The following TCF20 variants were observed in gnomAD, a reference collection of about 807,000 sequenced individuals.
The protein encoded by TCF20 is transcription factor 20.
Under a neutral mutation model 148.6 loss-of-function variants are expected in TCF20, and 3 were observed. The observed-to-expected ratio is 0.02, with a 90% CI of 0.01 to 0.05. TCF20 has a LOEUF of 0.05. Ranked by LOEUF, TCF20 falls within the 10% of genes least tolerant of loss-of-function variation. The probability of loss-of-function intolerance (pLI) is 1.00; values close to 1 mark genes in which losing one functional copy is unlikely to be tolerated. For missense variants in TCF20, 2,350 were observed against 2,429.3 expected (o/e 0.97, Z 0.69); for synonymous variants, 1,049 against 909.5 (o/e 1.15, Z -2.76).
chr22:42,205,609 T>A (rs760705404), intron 2 of TCF20, among the ~76,000 whole-genome samples: 1 of 152,208 alleles, frequency 6.6e-6, no homozygotes, highest in East Asian at 1.9e-4. Context: ...TCCTGGACAA[T>A]TGAAACATCA....
At chr22:42,255,058 C>T (rs1006150419) in intron 1 of TCF20, among the ~76,000 whole-genome samples, 14 of 151,350 alleles carry the variant, frequency 9.3e-5, no homozygotes, top group African/African-American at 3.4e-4. Context: ...AGTTGGGTGA[C>T]CTTGGGCAAG....
chr22:42,294,550 G>C (rs1569203015), intron 1 of TCF20, among the ~76,000 whole-genome samples: 1 of 152,044 alleles, frequency 6.6e-6, no homozygotes, highest in Non-Finnish European at 1.5e-5. Flanking sequence ...TCCGGGAGAG[G>C]GCAGGGCCAG....
At chr22:42,166,609 C>CAAAA (rs545755110) in intron 5 of TCF20, among the ~76,000 whole-genome samples, 8 of 70,484 alleles carry the variant, frequency 1.1e-4, no homozygotes, top group African/African-American at 3.4e-4. Flanking sequence ...AATCCGTCTC[C>CAAAA]AAAAAAAAAA....
At chr22:42,165,551 G>A (rs999095704) in intron 5 of TCF20, among the ~76,000 whole-genome samples, 12 of 152,234 alleles carry the variant, frequency 7.9e-5, no homozygotes, top group Non-Finnish European at 1.5e-5. Context: ...CCTGCAGAAG[G>A]ACTTTTCCCC....
At chr22:42,235,427 G>A (rs1317478732) in intron 1 of TCF20, among the ~76,000 whole-genome samples, 2 of 152,164 alleles carry the variant, frequency 1.3e-5, no homozygotes, top group Non-Finnish European at 2.9e-5. Flanking sequence ...TCTCTCTCCT[G>A]AAGTGACAGA....
At chr22:42,198,229 T>C (rs769929601) in intron 2 of TCF20, among the ~76,000 whole-genome samples, 1 of 152,214 alleles carries the variant, frequency 6.6e-6, no homozygotes, top group Non-Finnish European at 1.5e-5. Context: ...ATCTACACTG[T>C]GATGATGGAG....
At chr22:42,163,696 G>A (rs368452931) in intron 5 of TCF20, among the ~76,000 whole-genome samples, 12 of 152,206 alleles carry the variant, frequency 7.9e-5, no homozygotes, top group Non-Finnish European at 1.5e-4. Flanking sequence ...GTGTGGCTGA[G>A]AGACGGCTGG....
chr22:42,188,596 G>A (rs1242041393), intron 2 of TCF20, among the ~76,000 whole-genome samples: 1 of 152,156 alleles, frequency 6.6e-6, no homozygotes, highest in Admixed American at 6.6e-5. Flanking sequence ...AAATTAATAA[G>A]AACTTGATCA....
chr22:42,211,238 A>T lies in TCF20; in HGVS notation c.4068T>A (p.Val1356=), dbSNP rs767774751. The change falls in exon 2 of 6, where the codon GTT becomes GTA. Residue 1356 remains valine, a synonymous_variant. Coordinates refer to ENST00000677622, the MANE Select transcript of TCF20 (RefSeq NM_001378418.1). ...KGRGLKLEAI[V]QKITSPNIRR... ...TAATATTTGGGGATGTAATCTTCTGAACTATAGCTTCCAATTTCAATCCCC... is the reference window on the plus strand; with the variant it reads ...TAATATTTGGGGATGTAATCTTCTGTACTATAGCTTCCAATTTCAATCCCC... 1.9e-6 allele frequency: 3 copies of T among 1,614,172 alleles called. No homozygotes were observed. In the South Asian group the frequency reaches 3.3e-5, roughly 18 times the overall value.
chr22:42,187,142 A>C (rs1159637892), intron 2 of TCF20, among the ~76,000 whole-genome samples: 5 of 151,940 alleles, frequency 3.3e-5, no homozygotes, highest in African/African-American at 4.8e-5. Flanking sequence ...CTGATTCTGG[A>C]CCCTCTGCTG....
chr22:42,214,209 G>A lies in TCF20; in HGVS notation c.1097C>T (p.Pro366Leu), dbSNP rs759326346. The change falls in exon 2 of 6, where the codon CCC (proline) becomes CTC (leucine). Residue 366 changes from proline (P) to leucine (L), a missense_variant. By Grantham distance (98) the Pro-to-Leu change is moderately conservative. Coordinates refer to ENST00000677622, the MANE Select transcript of TCF20 (RefSeq NM_001378418.1). ...SPMQFHQNFS[P>L]ISNPSPAASV... is the part of the protein sequence containing the mutation. ...GGCAGCTGGAGAAGGGTTAGAAATG[G>A]GGCTGAAGTTCTGGTGAAACTGCAT... 5 of 1,614,230 alleles carry A rather than the reference G, an allele frequency of 3.1e-6. No individual in the cohort carries two copies. The highest frequency in any genetic ancestry group is 3.4e-6 in the Non-Finnish European group (4 of 1,180,028).
intron 3 of TCF20, among the ~76,000 whole-genome samples, chr22:42,174,055 G>A (rs567027656): frequency 1.1e-4 from 17 of 152,228 alleles, no homozygotes; most frequent in Non-Finnish European, 2.2e-4. Flanking sequence ...CTGGTGGGCT[G>A]GGGTGACAAC....
rs549576875 is a variant in TCF20 at position 42,270,607 on chromosome 22, G to A, written c.-305C>T. ...CGCCTCGCAGGGGCCGAAAGCGGCTGGGCTCGGGGTTTTTTCTCTCCATTC... is the reference window on the plus strand; with the variant it reads ...CGCCTCGCAGGGGCCGAAAGCGGCTAGGCTCGGGGTTTTTTCTCTCCATTC... On this transcript the variant is annotated 5_prime_UTR_variant, in exon 1 of 6. Transcript: ENST00000677622. Among the ~76,000 whole-genome samples, 138 of 145,822 alleles carry A rather than the reference G, an allele frequency of 9.5e-4. 1 individual carries two copies. The highest frequency in any genetic ancestry group is 2.8e-3 in the African/African-American group (116 of 40,786).
At chr22:42,268,148 T>C (rs1417949056) in intron 1 of TCF20, among the ~76,000 whole-genome samples, 7 of 143,064 alleles carry the variant, frequency 4.9e-5, no homozygotes, top group Admixed American at 4.8e-4. Context: ...TGTGTCAAAA[T>C]AAATAAGTAA....
At chr22:42,169,517 G>A (rs1935991503) in intron 4 of TCF20, among the ~76,000 whole-genome samples, 1 of 152,240 alleles carries the variant, frequency 6.6e-6, no homozygotes, top group Non-Finnish European at 1.5e-5. Flanking sequence ...GCCAACCTGT[G>A]AATTGGGGTT....
At position 42,210,172 on chromosome 22, in the gene TCF20, C is replaced by A; in HGVS notation, c.5134G>T (p.Ala1712Ser). Residue 1712 changes from alanine (A) to serine (S), a missense_variant, in exon 2 of 6, where the codon GCC (alanine) becomes TCC (serine). Transcript: ENST00000677622. This position sits in a 1 kb window ranked among gnomAD's most constrained non-coding sequence, Gnocchi z 4.7. ...HLVCCLCGKW[A>S]SYRNMGDLFG... ...AGGTCACCCATGTTCCGGTAACTGG[C>A]CCACTTGCCACACAGACAGCAAACC... 1.2e-6 allele frequency: 2 copies of A among 1,614,156 alleles called. No individual in the cohort carries two copies. Among genetic ancestry groups the A allele is most frequent in the Non-Finnish European group, 8.5e-7 (1 of 1,180,038 alleles).
In TCF20 at chr22:42,213,893, C is replaced by G; in HGVS notation, c.1413G>C (p.Gln471His). 6.2e-7 allele frequency: 1 copy of G among 1,614,156 alleles called. No homozygotes were observed. The highest frequency in any genetic ancestry group is 2.2e-5 in the East Asian group (1 of 44,886). The change falls in exon 2 of 6, where the codon CAG (glutamine) becomes CAC (histidine). Residue 471 changes from glutamine (Q) to histidine (H), a missense_variant. By Grantham distance (24) the Gln-to-His change is conservative (BLOSUM62 0). Around this residue, in one of 7 missense-constraint regions of TCF20, gnomAD observed 1,641 missense variants for 1,662.6 expected, o/e 0.99. Coordinates refer to ENST00000677622, the MANE Select transcript of TCF20 (RefSeq NM_001378418.1). ...TQVANLPNTV[Q>H]HMLLSDALTP... ...TCAGGGCATCAGAAAGTAACATGTG[C>G]TGGACAGTGTTAGGAAGATTGGCCA...
Position 42,215,238 on chromosome 22 carries a change from C to G in TCF20, c.68G>C (p.Gly23Ala), listed in dbSNP as rs1426264230. Residue 23 changes from glycine to alanine, a missense_variant, in exon 2 of 6, where the codon GGC becomes GCC. Gly to Ala is a moderately conservative substitution (Grantham distance 60). Transcript: ENST00000677622. The stretch of plus-strand genomic sequence containing the variant: ...GCTGAACTCTTCTAGCCGGGATGAG[C>G]CGTGTACCTCCTGTGGGTAGCTTTG... Reference protein sequence around the residue: ...NQQSYPQEVHGSSRLEEFSPR... With the variant: ...NQQSYPQEVHASSRLEEFSPR... 2 of 1,614,170 alleles carry G rather than the reference C, an allele frequency of 1.2e-6. No homozygotes were observed. The highest frequency in any genetic ancestry group is 1.7e-6 in the Non-Finnish European group (2 of 1,180,024).
In TCF20 at chr22:42,170,851, G is replaced by A. The variant is rs192568257; in HGVS notation, c.5750-955C>T. ...TGTAAAAACACTTTAAAATCTAGAC[G>A]CGTATTTTCTTCTCTGTACAGAGAA... On this transcript the variant is annotated intron_variant, in intron 3 of 5. Coordinates refer to ENST00000677622, the MANE Select transcript of TCF20 (RefSeq NM_001378418.1). Among the ~76,000 whole-genome samples, 69 of 152,034 alleles carry A rather than the reference G, an allele frequency of 4.5e-4. 1 individual carries two copies. Among genetic ancestry groups the A allele is most frequent in the East Asian group, 5.8e-4 (3 of 5,184 alleles).
Sources: gnomAD v4.1 joint callset for allele counts (sites outside exome capture counted in the v4.1 genomes callset) on GRCh38, gnomAD v4.1.1 for gene constraint, gnomAD v4.1.1 regional missense constraint, Gnocchi (gnomAD v3.1) non-coding constraint, MANE v1.5 for transcripts, NCBI Gene and HGNC (gene_info 2026-07-23, HGNC 2026-07-21) for gene names.